Variants in NCR2 observed in about 807,000 individuals in gnomAD.
NCR2 encodes NK cell activating receptor (NKp44).
In NCR2, 35 loss-of-function variants were observed where a neutral mutation model predicts 30.7. That is an observed-to-expected ratio of 1.14 (90% CI 0.87 to 1.51). NCR2 has a LOEUF of 1.51. NCR2 is among the 40% of genes most tolerant of loss of function. NCR2 has a pLI of 0.00. For missense variants in NCR2, 316 were observed against 328.9 expected, an observed-to-expected ratio of 0.96 and a Z score of 0.30; for synonymous variants, 146 against 134.8, an observed-to-expected ratio of 1.08 and a Z score of -0.58.
chr6:41,345,526 C>T (rs1484742462), intron 4 of NCR2, among the ~76,000 whole-genome samples: 2 of 152,100 alleles, frequency 1.3e-5, no homozygotes, highest in Non-Finnish European at 1.5e-5. Flanking sequence ...CCCCAGCACC[C>T]GCCACCAAGG....
chr6:41,348,582 C>T (rs1229790024), intron 4 of NCR2, among the ~76,000 whole-genome samples: 1 of 152,116 alleles, frequency 6.6e-6, no homozygotes, highest in East Asian at 1.9e-4. Flanking sequence ...GTGGTCGTGG[C>T]TCCTTCCTCT....
rs1769179156 is a variant in NCR2 at position 41,341,873 on chromosome 6, C to T, written c.474C>T (p.Pro158=). ...CCCAGACCCAGAGCTGTGTGCCTCC[C>T]ACTGCAGGAGCCAGACAAGCCCCTG... ...SQTQTQSCVP[P]TAGARQAPES... Residue 158 remains proline (P), a synonymous_variant, in exon 3 of 5, where the codon CCC becomes CCT. Transcript: ENST00000373089. 6.2e-7 allele frequency: 1 copy of T among 1,613,882 alleles called. No homozygotes were observed. Among genetic ancestry groups the T allele is most frequent in the African/African-American group, 1.3e-5 (1 of 74,920 alleles).
chr6:41,348,528 C>T (rs1360676817), intron 4 of NCR2, among the ~76,000 whole-genome samples: 1 of 151,982 alleles, frequency 6.6e-6, no homozygotes. Flanking sequence ...TTGGAAATTC[C>T]TTGATTCAGA....
intron 4 of NCR2, among the ~76,000 whole-genome samples, chr6:41,347,071 C>A (rs1033546378): frequency 6.6e-6 from 1 of 152,148 alleles, no homozygotes; most frequent in South Asian, 2.1e-4. Context: ...ATATTCCAGC[C>A]GAGCATGGAG....
Position 41,335,930 on chromosome 6 carries a change from T to C in NCR2, c.52+2T>C, listed in dbSNP as rs1157675303. The C allele has an allele frequency of 1.3e-6, 2 of 1,570,152 alleles. No individual in the cohort carries two copies. On this transcript the variant is annotated splice_donor_variant, in intron 1 of 4. Coordinates refer to ENST00000373089, the MANE Select transcript of NCR2 (RefSeq NM_004828.4). LOFTEE classifies it high-confidence loss of function. The stretch of plus-strand genomic sequence containing the variant: ...TACTGCTGCTGCTGCTGTTCCCAGG[T>C]GAGGGGGAGGAGGAGCCCAGGGAGC...
rs375415720 is a variant in NCR2, at chr6:41,347,188, C to A, written c.645-3490C>A. Among the ~76,000 whole-genome samples the A allele has an allele frequency of 4.6e-5, 7 of 152,278 alleles. No homozygotes were observed. In the East Asian group the frequency reaches 1.4e-3, roughly 29 times the overall value. On this transcript the variant is annotated intron_variant, in intron 4 of 4. Coordinates refer to ENST00000373089, the MANE Select transcript of NCR2 (RefSeq NM_004828.4). ...TATGATCGTGCCACTGCACTCCAGC[C>A]TAGGTGACAGAGCAAGACCCTGTCT...
chr6:41,344,802 G>C (rs557596058), intron 4 of NCR2, among the ~76,000 whole-genome samples: 1 of 152,020 alleles, frequency 6.6e-6, no homozygotes, highest in Non-Finnish European at 1.5e-5. Flanking sequence ...GCCGCTTCTC[G>C]GCCACCCACT....
chr6:41,346,471 T>C (rs1306967395), intron 4 of NCR2, among the ~76,000 whole-genome samples: 1 of 152,134 alleles, frequency 6.6e-6, no homozygotes, highest in East Asian at 1.9e-4. Flanking sequence ...TCACCCATGC[T>C]TTCCTTTCCC....
At chr6:41,350,563 T>A in intron 4 of NCR2, 115 bp from the exon 5 acceptor site, 1 of 823,236 alleles carries the variant, frequency 1.2e-6, no homozygotes. Context: ...CCTTGTGAGG[T>A]GGGTATGGCA....
chr6:41,348,578 G>A (rs894602664), intron 4 of NCR2, among the ~76,000 whole-genome samples: 2 of 152,076 alleles, frequency 1.3e-5, no homozygotes, highest in Admixed American at 6.5e-5. Context: ...CTCAGTGGTC[G>A]TGGCTCCTTC....
At chr6:41,337,250 T>C (rs190271053) in intron 2 of NCR2, among the ~76,000 whole-genome samples, 26 of 152,344 alleles carry the variant, frequency 1.7e-4, no homozygotes, top group East Asian at 1.3e-3. Flanking sequence ...CCAACATTTA[T>C]TAAATTTGAC....
chr6:41,338,380 C>T (rs1367627933), intron 2 of NCR2, among the ~76,000 whole-genome samples: 3 of 152,098 alleles, frequency 2.0e-5, no homozygotes, highest in South Asian at 2.1e-4. Flanking sequence ...GTCAGCACAA[C>T]GTTCAGTTAA....
intron 2 of NCR2, 56 bp from the exon 3 acceptor site, chr6:41,341,738 G>A (rs945142917): frequency 2.1e-5 from 32 of 1,551,090 alleles, no homozygotes; most frequent in Non-Finnish European, 2.6e-5. Flanking sequence ...TCTCCTGCCG[G>A]CAGGCACAAG....
intron 2 of NCR2, 45 bp downstream of exon 2, chr6:41,336,473 C>T (rs778082756): frequency 2.7e-6 from 4 of 1,497,418 alleles, no homozygotes; most frequent in African/African-American, 1.4e-5. Flanking sequence ...CCCTCACCCC[C>T]TTTTGGTGCC....
Position 41,336,278 on chromosome 6 carries a change from A to G in NCR2, c.244A>G (p.Thr82Ala), listed in dbSNP as rs1313316706. The change falls in exon 2 of 5, where the codon ACA becomes GCA. Residue 82 changes from threonine (T) to alanine (A), a missense_variant. Transcript: ENST00000373089. The part of the protein sequence containing the change: ...PRTMAWTSRF[T>A]IWDDPDAGFF... Reference sequence around the variant, plus strand: ...GACGATGGCTTGGACCTCTCGATTCACAATCTGGGACGACCCTGATGCTGG... The same window carrying G: ...GACGATGGCTTGGACCTCTCGATTCGCAATCTGGGACGACCCTGATGCTGG... 6.2e-7 allele frequency: 1 copy of G among 1,614,148 alleles called. No individual in the cohort carries two copies.
At chr6:41,349,387 G>T (rs2114069584) in intron 4 of NCR2, among the ~76,000 whole-genome samples, 1 of 152,140 alleles carries the variant, frequency 6.6e-6, no homozygotes, top group South Asian at 2.1e-4. Context: ...CTAACACAGA[G>T]GTCCTACCTC....
chr6:41,345,322 C>A lies in NCR2; in HGVS notation c.644+3173C>A, dbSNP rs150336415. Among the ~76,000 whole-genome samples the A allele has an allele frequency of 7.0e-3, 1,072 of 152,292 alleles. 6 individuals are homozygous for A. The highest frequency in any genetic ancestry group is 0.012 in the Non-Finnish European group (803 of 68,028). ...TGGGGTTCCAAGGTAAAAATGACTT[C>A]CCTCTTATTCCCCCACTCCCACCAG... is the stretch of plus-strand genomic sequence containing the variant. On this transcript the variant is annotated intron_variant, in intron 4 of 4. Transcript: ENST00000373089.
intron 4 of NCR2, among the ~76,000 whole-genome samples, chr6:41,344,906 T>C (rs1427968004): frequency 2.6e-5 from 4 of 152,198 alleles, no homozygotes; most frequent in Non-Finnish European, 5.9e-5. Context: ...ACAGCTCTGT[T>C]TCTCTAGAAA....
intron 4 of NCR2, among the ~76,000 whole-genome samples, chr6:41,345,432 A>G (rs1407205996): frequency 2.0e-5 from 3 of 152,124 alleles, no homozygotes; most frequent in African/African-American, 7.2e-5. Context: ...GGATGGGTTT[A>G]TGCCATTTTT....
Sources: allele counts gnomAD v4.1 joint callset (sites outside exome capture counted in the v4.1 genomes callset), GRCh38; gene constraint gnomAD v4.1.1; transcripts MANE v1.5; gene names NCBI Gene and HGNC (gene_info 2026-07-23, HGNC 2026-07-21).